LARGE1: variants seen among roughly 807,000 people sequenced by gnomAD.
LARGE1 encodes the protein xylosyl- and glucuronyltransferase LARGE1.
In LARGE1, 43 loss-of-function variants were observed where a neutral mutation model predicts 87.6. The ratio of observed to expected loss-of-function variants is 0.49; its 90% CI spans 0.38 to 0.63. The LOEUF (loss-of-function observed/expected upper bound fraction) is 0.63. Ranked by LOEUF, LARGE1 falls within the 30% of genes least tolerant of loss-of-function variation. The probability of loss-of-function intolerance (pLI) is 0.00; values close to 1 mark genes in which losing one functional copy is unlikely to be tolerated. For missense variants in LARGE1, 802 were observed against 1,000.2 expected (o/e 0.80, Z 2.67); for synonymous variants, 434 against 394.6 (o/e 1.10, Z -1.18).
chr22:33,272,440 A>C (rs1030437220), downstream of LARGE1, among the ~76,000 whole-genome samples: 1 of 152,234 alleles, frequency 6.6e-6, no homozygotes, highest in Non-Finnish European at 1.5e-5. Flanking sequence ...AAATATGCCC[A>C]AAAAGGCCTT....
the LARGE1 span, among the ~76,000 whole-genome samples, chr22:33,083,713 A>G: frequency 1.3e-5 from 2 of 152,226 alleles, no homozygotes; most frequent in Non-Finnish European, 2.9e-5. Context: ...GACTGTCTCT[A>G]GTGACACGAA....
intron 11 of LARGE1, among the ~76,000 whole-genome samples, chr22:33,239,169 T>A (rs1178706963): frequency 6.6e-6 from 1 of 151,960 alleles, no homozygotes; most frequent in Admixed American, 6.5e-5. Context: ...AATACTATGC[T>A]AAACATTATT....
chr22:33,169,056 A>G (rs1922419982), intron 11 of LARGE1, among the ~76,000 whole-genome samples: 5 of 152,212 alleles, frequency 3.3e-5, no homozygotes, highest in Admixed American at 3.3e-4. Context: ...CCACTGGACT[A>G]TAAATGCCTA....
At chr22:33,578,028 T>G (rs1340472512) in intron 5 of LARGE1, among the ~76,000 whole-genome samples, 2 of 152,234 alleles carry the variant, frequency 1.3e-5, no homozygotes, top group Non-Finnish European at 2.9e-5. Flanking sequence ...CCAAAGGTCT[T>G]ATTGCAATTT....
intron 2 of LARGE1, among the ~76,000 whole-genome samples, chr22:33,686,883 C>A (rs1167416485): frequency 6.6e-6 from 1 of 152,206 alleles, no homozygotes; most frequent in Admixed American, 6.5e-5. Context: ...TCAAATTTAA[C>A]AAGCTGTCTT....
intron 1 of LARGE1, among the ~76,000 whole-genome samples, chr22:33,840,528 T>C (rs1264147845): frequency 1.3e-5 from 2 of 152,340 alleles, no homozygotes; most frequent in African/African-American, 2.4e-5. Flanking sequence ...TGAAAGGTTC[T>C]AGCATCTTTT....
At chr22:33,868,191 A>G (rs192657203) in intron 1 of LARGE1, among the ~76,000 whole-genome samples, 4 of 152,270 alleles carry the variant, frequency 2.6e-5, no homozygotes, top group African/African-American at 9.6e-5. Flanking sequence ...TACAGGTCTC[A>G]CATGTGCATG....
At chr22:33,702,227 T>C (rs1006846403) in intron 2 of LARGE1, among the ~76,000 whole-genome samples, 2 of 152,182 alleles carry the variant, frequency 1.3e-5, no homozygotes, top group African/African-American at 4.8e-5. Context: ...AGACACATAG[T>C]AGGCATTCAA....
chr22:33,755,336 T>C (rs983334640), intron 2 of LARGE1, among the ~76,000 whole-genome samples: 2 of 152,198 alleles, frequency 1.3e-5, no homozygotes, highest in Non-Finnish European at 2.9e-5. Flanking sequence ...ACATTTGCTT[T>C]TAAATAACAC....
At chr22:33,275,635 C>T (rs1396742713) in intron 14 of LARGE1, among the ~76,000 whole-genome samples, 2 of 152,152 alleles carry the variant, frequency 1.3e-5, no homozygotes, top group Non-Finnish European at 2.9e-5. Context: ...GGTGTTAATA[C>T]CTGGCAGGTG....
rs180830119 is a variant in LARGE1, at chr22:33,735,501, T to C, written c.106+25870A>G. ...TTAGAGGGAAAAATTGATTTTTTTT[T>C]CCTCCCCAACAAAGGTATCTCAGAA... On this transcript the variant is annotated intron_variant, in intron 2 of 14. Coordinates refer to ENST00000397394, the MANE Select transcript of LARGE1 (RefSeq NM_133642.5). 3.5e-3 allele frequency among the ~76,000 whole-genome samples: 532 copies of C among 152,166 alleles called. 9 individuals are homozygous for C. The highest frequency in any genetic ancestry group is 0.029 in the Admixed American group (444 of 15,286).
chr22:33,512,695 C>T (rs1407783414), intron 6 of LARGE1, among the ~76,000 whole-genome samples: 2 of 152,032 alleles, frequency 1.3e-5, no homozygotes, highest in South Asian at 2.1e-4. Context: ...CCCAGCTACT[C>T]GGGAGGCTGA....
chr22:33,352,938 G>C (rs1940529178), intron 9 of LARGE1, among the ~76,000 whole-genome samples: 1 of 152,108 alleles, frequency 6.6e-6, no homozygotes, highest in Non-Finnish European at 1.5e-5. Flanking sequence ...ATACCAATAA[G>C]ACAAGCTGAT....
At chr22:33,210,733 G>T (rs1052610218) in intron 11 of LARGE1, among the ~76,000 whole-genome samples, 1 of 152,218 alleles carries the variant, frequency 6.6e-6, no homozygotes, top group African/African-American at 2.4e-5. Context: ...CACCTGGCCT[G>T]GTTCCTTGGG....
rs112983343 is a variant in LARGE1, at chr22:33,669,321, C to T, written c.107-18653G>A. Among the ~76,000 whole-genome samples the T allele has an allele frequency of 7.1e-3, 1,086 of 152,300 alleles. 17 individuals are homozygous for T. Among genetic ancestry groups the T allele is most frequent in the African/African-American group, 0.025 (1,035 of 41,550 alleles). Reference sequence around the variant, plus strand: ...GATGTTCTCCTTAAGTGGAGATGCACAGGACTTCACTGAGATTACTATTAC... The same window carrying T: ...GATGTTCTCCTTAAGTGGAGATGCATAGGACTTCACTGAGATTACTATTAC... On this transcript the variant is annotated intron_variant, in intron 2 of 14. Transcript: ENST00000397394.
intron 11 of LARGE1, among the ~76,000 whole-genome samples, chr22:33,251,495 A>G (rs1393235573): frequency 1.3e-5 from 2 of 151,844 alleles, no homozygotes; most frequent in Non-Finnish European, 2.9e-5. Context: ...ATGATTCAAC[A>G]CTCCTGTGAC....
chr22:33,878,897 C>A (rs2064569860), intron 1 of LARGE1, among the ~76,000 whole-genome samples: 1 of 151,932 alleles, frequency 6.6e-6, no homozygotes, highest in Non-Finnish European at 1.5e-5. Flanking sequence ...GCAGAGATAT[C>A]ATCAGGATGC....
chr22:33,853,156 A>G (rs570237439), intron 1 of LARGE1, among the ~76,000 whole-genome samples: 59 of 152,084 alleles, frequency 3.9e-4, no homozygotes, highest in Non-Finnish European at 7.5e-4. Flanking sequence ...ACTGAGAACT[A>G]GAGAGGTCTA....
At chr22:33,327,131 C>T (rs1937314792) in intron 10 of LARGE1, among the ~76,000 whole-genome samples, 1 of 152,236 alleles carries the variant, frequency 6.6e-6, no homozygotes, top group Admixed American at 6.5e-5. Flanking sequence ...GCTGTTTCCA[C>T]AGAGCCATCT....
Sources: gnomAD v4.1 joint callset for allele counts (sites outside exome capture counted in the v4.1 genomes callset) on GRCh38, gnomAD v4.1.1 for gene constraint, MANE v1.5 for transcripts, NCBI Gene and HGNC (gene_info 2026-07-23, HGNC 2026-07-21) for gene names.